MELTF: variants seen among roughly 807,000 people sequenced by gnomAD.
The protein encoded by MELTF is melanotransferrin.
MELTF carries 67 observed loss-of-function variants against 83.7 expected under a neutral mutation model. The observed-to-expected ratio is 0.80, with a 90% CI of 0.66 to 0.98. The LOEUF (loss-of-function observed/expected upper bound fraction) is 0.98, where lower values mean the gene tolerates loss of function less well. Ranked by LOEUF, MELTF falls within the 50% of genes least tolerant of loss-of-function variation. MELTF has a pLI of 0.00. For missense variants in MELTF, 1,002 were observed against 1,035.6 expected (o/e 0.97, Z 0.44); for synonymous variants, 462 against 447.6 (o/e 1.03, Z -0.41).
intron 4 of MELTF, among the ~76,000 whole-genome samples, chr3:197,023,544 C>T (rs1719715334): frequency 6.6e-6 from 1 of 152,200 alleles, no homozygotes; most frequent in African/African-American, 2.4e-5. Context: ...GGCGGCCAGC[C>T]TCACGGGGGA....
chr3:197,014,225 G>A (rs1719279496), intron 9 of MELTF, among the ~76,000 whole-genome samples: 1 of 152,040 alleles, frequency 6.6e-6, no homozygotes, highest in Admixed American at 6.6e-5. Flanking sequence ...CGGAACTGGG[G>A]GACACCGTGT....
In MELTF at chr3:197,006,514, A is replaced by G. The variant is rs775342646; in HGVS notation, c.1938+35T>C. 6.3e-7 allele frequency: 1 copy of G among 1,594,018 alleles called. No individual in the cohort carries two copies. The highest frequency in any genetic ancestry group is 8.6e-7 in the Non-Finnish European group (1 of 1,169,350). On this transcript the variant is annotated intron_variant, in intron 14 of 15. Transcript: ENST00000296350. This position sits in a 1 kb window ranked among gnomAD's most constrained non-coding sequence, Gnocchi z 5.4. ...CAGGGGCTCAGCTTACCTCTGCTGCACACCCCTCAATGAGGTAGCCCCACC... is the reference window on the plus strand; with the variant it reads ...CAGGGGCTCAGCTTACCTCTGCTGCGCACCCCTCAATGAGGTAGCCCCACC...
Position 197,024,489 on chromosome 3 carries a change from G to C in MELTF, c.305-4C>G. 6.4e-7 allele frequency: 1 copy of C among 1,565,960 alleles called. No homozygotes were observed. Among genetic ancestry groups the C allele is most frequent in the South Asian group, 1.2e-5 (1 of 86,912 alleles). ...GCGTAATAGGAGGTACCGACCTCTA[G>C]GAGGGGAGGGGAGTGGGTGAGGGCA... is the stretch of plus-strand genomic sequence containing the variant. On this transcript the variant is annotated splice_polypyrimidine_tract_variant and splice_region_variant and intron_variant, in intron 3 of 15. Coordinates refer to ENST00000296350, the MANE Select transcript of MELTF (RefSeq NM_005929.6). The surrounding 1 kb of genome is among the most constrained non-coding windows in gnomAD (Gnocchi z 5.3).
rs1719200282 is a variant in MELTF at position 197,011,932 on chromosome 3, G to A, written c.1234-1138C>T. 6.6e-6 allele frequency among the ~76,000 whole-genome samples: 1 copy of A among 152,166 alleles called. No homozygotes were observed. Among genetic ancestry groups the A allele is most frequent in the Non-Finnish European group, 1.5e-5 (1 of 68,024 alleles). On this transcript the variant is annotated intron_variant, in intron 9 of 15. Transcript: ENST00000296350. The surrounding 1 kb of genome is among the most constrained non-coding windows in gnomAD (Gnocchi z 4.2). ...GATTGAGAGGAGGCTGTCACTCAGA[G>A]GGAGCTGAAACCTCCCTCCCTGCAC...
At position 197,007,948 on chromosome 3, in the gene MELTF, G is replaced by A. The variant is rs1312156324; in HGVS notation, c.1750+709C>T. Reference sequence around the variant, plus strand: ...CCAGCATTTGGGGTTTCAAAGCCTGGGGTGTAGGCAGGGTATGCAGACAGT... The same window carrying A: ...CCAGCATTTGGGGTTTCAAAGCCTGAGGTGTAGGCAGGGTATGCAGACAGT... On this transcript the variant is annotated intron_variant, in intron 13 of 15. Coordinates refer to ENST00000296350, the MANE Select transcript of MELTF (RefSeq NM_005929.6). This position sits in a 1 kb window ranked among gnomAD's most constrained non-coding sequence, Gnocchi z 4.3. Among the ~76,000 whole-genome samples, 2 of 152,198 alleles carry A rather than the reference G, an allele frequency of 1.3e-5. No homozygotes were observed. Among genetic ancestry groups the A allele is most frequent in the African/African-American group, 4.8e-5 (2 of 41,450 alleles).
chr3:197,003,944 C>CACGT lies in MELTF; in HGVS notation c.2090_2093dup (p.Ala699ArgfsTer307). On this transcript the variant is annotated frameshift_variant, in exon 15 of 16. Transcript: ENST00000296350. LOFTEE classifies it low-confidence loss of function (END_TRUNC). The surrounding 1 kb of genome is among the most constrained non-coding windows in gnomAD (Gnocchi z 6.2). Reference sequence around the variant, plus strand: ...GAGACGACATCCCTTCCAGCGCCGCCACGTAGTCCAGCCCCAGCCAGCCGC... The same window carrying CACGT: ...GAGACGACATCCCTTCCAGCGCCGCCACGTACGTAGTCCAGCCCCAGCCAGCCGC... 6.2e-7 allele frequency: 1 copy of CACGT among 1,614,096 alleles called. No individual in the cohort carries two copies. Among genetic ancestry groups the CACGT allele is most frequent in the Non-Finnish European group, 8.5e-7 (1 of 1,180,024 alleles).
At position 197,003,273 on chromosome 3, in the gene MELTF, C is replaced by T. The variant is rs1718823461; in HGVS notation, c.*99G>A. 1.9e-6 allele frequency: 2 copies of T among 1,031,384 alleles called. No homozygotes were observed. The highest frequency in any genetic ancestry group is 2.3e-6 in the Non-Finnish European group (2 of 861,992). The allele number at this position is 1,031,384 out of a possible 1,614,324, so 63.9% of individuals were successfully genotyped here. On this transcript the variant is annotated 3_prime_UTR_variant, in exon 16 of 16. Coordinates refer to ENST00000296350, the MANE Select transcript of MELTF (RefSeq NM_005929.6). This position sits in a 1 kb window ranked among gnomAD's most constrained non-coding sequence, Gnocchi z 6.2. The stretch of plus-strand genomic sequence containing the variant: ...GGGAGGCGCCTGCTCCCGCCCACGC[C>T]GGGCCCGGCCTTCGCGAGCTTCCTT...
intron 6 of MELTF, chr3:197,018,951 G>A: frequency 4.1e-6 from 4 of 985,024 alleles, no homozygotes; most frequent in Non-Finnish European, 4.8e-6. Context: ...AACCACAGAT[G>A]GTCCCACATA....
intron 6 of MELTF, chr3:197,019,677 A>T: frequency 6.2e-7 from 1 of 1,613,930 alleles, no homozygotes; most frequent in African/African-American, 1.3e-5. Context: ...GGGGCCTGTG[A>T]ACGGGAGCCC....
rs1271577811 is a variant in MELTF at position 197,008,971 on chromosome 3, G to A, written c.1526-6C>T. 6.2e-7 allele frequency: 1 copy of A among 1,613,776 alleles called. No homozygotes were observed. The highest frequency in any genetic ancestry group is 1.3e-5 in the African/African-American group (1 of 74,912). ...ATTGAAGAACTCGCTCACTGCTGGG[G>A]TGGAGGGAAGGGCAATGATGAGGGG... On this transcript the variant is annotated splice_region_variant and splice_polypyrimidine_tract_variant and intron_variant, in intron 11 of 15. Transcript: ENST00000296350. The surrounding 1 kb of genome is among the most constrained non-coding windows in gnomAD (Gnocchi z 5.4).
At chr3:197,027,280 GC>G (rs1333680409) in intron 2 of MELTF, among the ~76,000 whole-genome samples, 1 of 152,200 alleles carries the variant, frequency 6.6e-6, no homozygotes, top group African/African-American at 2.4e-5. Flanking sequence ...CAGGAGGGAC[GC>G]CACTCTCTGG....
chr3:197,016,740 G>A (rs535068005), intron 7 of MELTF, among the ~76,000 whole-genome samples: 88 of 152,386 alleles, frequency 5.8e-4, no homozygotes, highest in African/African-American at 2.0e-3. Flanking sequence ...CACAAGCGGC[G>A]GTTTTAGCCA....
chr3:197,026,526 T>A, intron 3 of MELTF, 134 bp downstream of exon 3: 1 of 733,800 alleles, frequency 1.4e-6, no homozygotes, highest in African/African-American at 1.7e-5. Context: ...CCTTAGGGCG[T>A]TCTTCTGGCT....
chr3:197,022,408 T>C lies in MELTF; in HGVS notation c.644+549A>G, dbSNP rs1443329160. On this transcript the variant is annotated intron_variant, in intron 5 of 15. Coordinates refer to ENST00000296350, the MANE Select transcript of MELTF (RefSeq NM_005929.6). This position sits in a 1 kb window ranked among gnomAD's most constrained non-coding sequence, Gnocchi z 5.1. ...GCATCCAGTCAGATAACATCTGGAG[T>C]GTGGGGCACCAGCAGGCTTCCCTGC... Among the ~76,000 whole-genome samples, 2 of 152,056 alleles carry C rather than the reference T, an allele frequency of 1.3e-5. No individual in the cohort carries two copies. The highest frequency in any genetic ancestry group is 2.9e-5 in the Non-Finnish European group (2 of 67,992).
chr3:197,022,243 G>A lies in MELTF; in HGVS notation c.644+714C>T, dbSNP rs980109564. Among the ~76,000 whole-genome samples, 5 of 152,146 alleles carry A rather than the reference G, an allele frequency of 3.3e-5. No homozygotes were observed. The highest frequency in any genetic ancestry group is 7.3e-5 in the Non-Finnish European group (5 of 68,032). Reference sequence around the variant, plus strand: ...CACAGGGATTAGAGCAGATCGGGGCGGGCGACATCAGGAGAGGGCTCTGAG... The same window carrying A: ...CACAGGGATTAGAGCAGATCGGGGCAGGCGACATCAGGAGAGGGCTCTGAG... On this transcript the variant is annotated intron_variant, in intron 5 of 15. Transcript: ENST00000296350. The surrounding 1 kb of genome is among the most constrained non-coding windows in gnomAD (Gnocchi z 5.1).
chr3:197,027,601 G>A (rs1483408893), intron 2 of MELTF, among the ~76,000 whole-genome samples, 155 bp downstream of exon 2: 1 of 152,240 alleles, frequency 6.6e-6, no homozygotes, highest in African/African-American at 2.4e-5. Flanking sequence ...CCCGGCGGGA[G>A]GCAAGCTGGC....
In MELTF at chr3:197,006,009, A is replaced by T. The variant is rs1343171560; in HGVS notation, c.1938+540T>A. Among the ~76,000 whole-genome samples, 2 of 152,108 alleles carry T rather than the reference A, an allele frequency of 1.3e-5. No individual in the cohort carries two copies. Among genetic ancestry groups the T allele is most frequent in the Non-Finnish European group, 2.9e-5 (2 of 68,010 alleles). ...GCCGAGGTGGGCGGATCACGAGGTC[A>T]GGAGATCGAGACCATCCTGGCTAAC... On this transcript the variant is annotated intron_variant, in intron 14 of 15. Transcript: ENST00000296350. This position sits in a 1 kb window ranked among gnomAD's most constrained non-coding sequence, Gnocchi z 5.4.
Position 197,016,209 on chromosome 3 carries a change from CCCTT to C in MELTF, c.1057_1060del (p.Lys353ValfsTer65). On this transcript the variant is annotated frameshift_variant, in exon 8 of 16. Transcript: ENST00000296350. LOFTEE classifies it high-confidence loss of function. ...CTTACGGTTGGGGTCACAGAGCAGA[CCCTT>C]CATGGCGTGCAGGTACTCATGGCCC... The C allele has an allele frequency of 6.3e-7, 1 of 1,578,564 alleles. No homozygotes were observed. The highest frequency in any genetic ancestry group is 2.3e-5 in the East Asian group (1 of 43,322).
rs1426220286 is a variant in MELTF at position 197,009,139 on chromosome 3, C to T, written c.1526-174G>A. 3.9e-5 allele frequency among the ~76,000 whole-genome samples: 6 copies of T among 152,096 alleles called. No homozygotes were observed. The South Asian group carries it at 6.2e-4, about 16-fold the overall frequency. ...GAGTGTCTCCTGGAGGATCTCAGTG[C>T]GGGGAATGCAGAGGTTGTCTAGATA... On this transcript the variant is annotated intron_variant, in intron 11 of 15. Coordinates refer to ENST00000296350, the MANE Select transcript of MELTF (RefSeq NM_005929.6).
Sources: allele counts gnomAD v4.1 joint callset (sites outside exome capture counted in the v4.1 genomes callset), GRCh38; gene constraint gnomAD v4.1.1; non-coding constraint Gnocchi (gnomAD v3.1); transcripts MANE v1.5; gene names NCBI Gene and HGNC (gene_info 2026-07-23, HGNC 2026-07-21).